ZNF521: variants seen among roughly 807,000 people sequenced by gnomAD.
The protein encoded by ZNF521 is LYST-interacting protein 3.
Under a neutral mutation model 105.5 loss-of-function variants are expected in ZNF521, and 14 were observed. That is an observed-to-expected ratio of 0.13 (90% CI 0.09 to 0.21). The LOEUF is 0.21. Ranked by LOEUF, ZNF521 falls within the 10% of genes least tolerant of loss-of-function variation. ZNF521 has a pLI of 1.00. For synonymous variants in ZNF521, 635 were observed against 606.0 expected, an observed-to-expected ratio of 1.05 and a Z score of -0.70; for missense variants, 1,233 against 1,629.7, an observed-to-expected ratio of 0.76 and a Z score of 4.19.
chr18:25,123,784 A>C (rs1463849275), intron 5 of ZNF521, among the ~76,000 whole-genome samples: 2 of 152,172 alleles, frequency 1.3e-5, no homozygotes, highest in African/African-American at 4.8e-5. Flanking sequence ...TTTAGTTACT[A>C]ATGGTTTGGG....
intron 5 of ZNF521, among the ~76,000 whole-genome samples, chr18:25,106,741 T>A (rs909861516): frequency 6.6e-5 from 10 of 152,134 alleles, no homozygotes; most frequent in African/African-American, 2.4e-4. Context: ...TCTTTTAAAA[T>A]ATATATATTT....
At position 25,133,111 on chromosome 18, in the gene ZNF521, T is replaced by C. The variant is rs554441280; in HGVS notation, c.3659-41030A>G. ...AGGTCAGTGGACACAGTACCTACAA[T>C]TGAGGAAGCAGCTTCATATATTCCA... On this transcript the variant is annotated intron_variant, in intron 5 of 7. Coordinates refer to ENST00000361524, the MANE Select transcript of ZNF521 (RefSeq NM_015461.3). Among the ~76,000 whole-genome samples, 106 of 152,300 alleles carry C rather than the reference T, an allele frequency of 7.0e-4. No individual in the cohort carries two copies. The Middle Eastern group carries it at 0.01, about 15-fold the overall frequency.
intron 5 of ZNF521, among the ~76,000 whole-genome samples, chr18:25,103,744 G>C (rs1303321327): frequency 7.1e-6 from 1 of 141,762 alleles, no homozygotes; most frequent in Non-Finnish European, 1.6e-5. Context: ...CTCTGTGATG[G>C]GAAGAGAGAA....
At chr18:25,257,469 G>A (rs534595178) in intron 3 of ZNF521, among the ~76,000 whole-genome samples, 2 of 152,028 alleles carry the variant, frequency 1.3e-5, no homozygotes, top group Non-Finnish European at 2.9e-5. Flanking sequence ...TCCTTTCTTG[G>A]TAAGTTCAAA....
chr18:25,082,568 G>T, intron 7 of ZNF521: 1 of 447,412 alleles, frequency 2.2e-6, no homozygotes. Context: ...TGGTGTGATG[G>T]CTCACGCCTG....
intron 3 of ZNF521, among the ~76,000 whole-genome samples, chr18:25,270,545 G>A (rs1056736884): frequency 6.6e-6 from 1 of 152,058 alleles, no homozygotes; most frequent in South Asian, 2.1e-4. Context: ...CTGGCAAACC[G>A]AATCCAGCAG....
At chr18:25,240,830 A>G (rs749695481) in intron 3 of ZNF521, among the ~76,000 whole-genome samples, 4 of 151,934 alleles carry the variant, frequency 2.6e-5, no homozygotes, top group Non-Finnish European at 5.9e-5. Context: ...GGTCTAAAAG[A>G]CAGATTCCAC....
intron 2 of ZNF521, among the ~76,000 whole-genome samples, chr18:25,328,078 A>G (rs1014891903): frequency 2.0e-5 from 3 of 152,118 alleles, no homozygotes; most frequent in Non-Finnish European, 4.4e-5. Context: ...TAACCACTCT[A>G]TTCTCTGAAA....
intron 7 of ZNF521, among the ~76,000 whole-genome samples, chr18:25,069,608 A>C (rs2033164233): frequency 6.6e-6 from 1 of 152,182 alleles, no homozygotes; most frequent in East Asian, 1.9e-4. Flanking sequence ...TATGGACCTT[A>C]CCAGGTAAAC....
At chr18:25,231,261 C>T (rs1054282217) in intron 3 of ZNF521, among the ~76,000 whole-genome samples, 6 of 152,202 alleles carry the variant, frequency 3.9e-5, no homozygotes, top group African/African-American at 1.4e-4. Flanking sequence ...AGACCTCCAT[C>T]TCAGGCTAGG....
chr18:25,287,066 A>G (rs1413161156), intron 3 of ZNF521, among the ~76,000 whole-genome samples: 1 of 152,204 alleles, frequency 6.6e-6, no homozygotes, highest in East Asian at 1.9e-4. Flanking sequence ...AGCTTAAAAT[A>G]CCTTCTTTGC....
intron 5 of ZNF521, among the ~76,000 whole-genome samples, chr18:25,159,848 C>T (rs901459925): frequency 6.6e-5 from 10 of 151,998 alleles, no homozygotes; most frequent in African/African-American, 2.2e-4. Context: ...CAGTGTAACA[C>T]CAAGATAATA....
rs778156202 is a variant in ZNF521, at chr18:25,352,029, C to T, written c.-26G>A. 1 of 481,838 alleles carries T rather than the reference C, an allele frequency of 2.1e-6. No individual in the cohort carries two copies. The highest frequency in any genetic ancestry group is 4.2e-6 in the Non-Finnish European group (1 of 238,406). The allele number at this position is 481,838 out of a possible 1,614,324, so 29.8% of individuals were successfully genotyped here. On this transcript the variant is annotated 5_prime_UTR_variant, in exon 1 of 8. Coordinates refer to ENST00000361524, the MANE Select transcript of ZNF521 (RefSeq NM_015461.3). ...CCTGCAAGGTCTTGGACTGCGCTGT[C>T]GCTCCGGTAGTCCACATAATAATGG...
chr18:25,225,060 A>C lies in ZNF521; in HGVS notation c.2858T>G (p.Leu953Arg). ...NGLREHMQTHLGPVKHYMCPI... is the reference protein window; with the variant it reads ...NGLREHMQTHRGPVKHYMCPI... The stretch of plus-strand genomic sequence containing the variant: ...GCACATGTAGTGTTTGACAGGGCCT[A>C]GGTGGGTCTGCATATGTTCCCGGAG... The change falls in exon 4 of 8, where the codon CTA (leucine) becomes CGA (arginine). Residue 953 changes from leucine to arginine, a missense_variant. Coordinates refer to ENST00000361524, the MANE Select transcript of ZNF521 (RefSeq NM_015461.3). This position sits in a 1 kb window ranked among gnomAD's most constrained non-coding sequence, Gnocchi z 5.6. The C allele has an allele frequency of 6.2e-7, 1 of 1,614,202 alleles. No homozygotes were observed. The highest frequency in any genetic ancestry group is 8.5e-7 in the Non-Finnish European group (1 of 1,180,022).
intron 2 of ZNF521, among the ~76,000 whole-genome samples, chr18:25,340,716 C>T (rs1203807833): frequency 1.3e-5 from 2 of 152,048 alleles, no homozygotes; most frequent in Non-Finnish European, 2.9e-5. Context: ...ATACTGATTC[C>T]ACTGAAGTTT....
chr18:25,258,613 T>C (rs993400942), intron 3 of ZNF521, among the ~76,000 whole-genome samples: 1 of 152,148 alleles, frequency 6.6e-6, no homozygotes, highest in African/African-American at 2.4e-5. Flanking sequence ...ATACTGGAAA[T>C]AGACCATAAG....
chr18:25,148,970 G>A (rs890037641), intron 5 of ZNF521, among the ~76,000 whole-genome samples: 1 of 152,032 alleles, frequency 6.6e-6, no homozygotes, highest in Non-Finnish European at 1.5e-5. Context: ...AAATGAACTC[G>A]GAGCATAAAA....
intron 5 of ZNF521, among the ~76,000 whole-genome samples, chr18:25,158,749 C>T (rs369242009): frequency 2.6e-5 from 4 of 151,830 alleles, no homozygotes; most frequent in South Asian, 2.1e-4. Flanking sequence ...TGAGGCCAGG[C>T]GTTCAAGACC....
At chr18:25,248,879 T>C (rs1053605391) in intron 3 of ZNF521, among the ~76,000 whole-genome samples, 1 of 152,246 alleles carries the variant, frequency 6.6e-6, no homozygotes, top group African/African-American at 2.4e-5. Context: ...CTACGGCTTA[T>C]AGGCCAAATG....
Sources: gnomAD v4.1 joint callset for allele counts (sites outside exome capture counted in the v4.1 genomes callset) on GRCh38, gnomAD v4.1.1 for gene constraint, Gnocchi (gnomAD v3.1) non-coding constraint, MANE v1.5 for transcripts, NCBI Gene and HGNC (gene_info 2026-07-23, HGNC 2026-07-21) for gene names.